The following PCDHGB1 variants were observed in gnomAD, a reference collection of about 807,000 sequenced individuals.
The protein encoded by PCDHGB1 is protocadherin gamma subfamily B, 1.
In PCDHGB1, 34 loss-of-function variants were observed where a neutral mutation model predicts 56.6. That is an observed-to-expected ratio of 0.60 (90% CI 0.46 to 0.80). The LOEUF is 0.80. Ranked by LOEUF, PCDHGB1 falls within the 30% of genes least tolerant of loss-of-function variation. The pLI is 0.00. For missense variants in PCDHGB1, 1,278 were observed against 1,204.6 expected, an observed-to-expected ratio of 1.06 and a Z score of -0.90; for synonymous variants, 561 against 505.9, an observed-to-expected ratio of 1.11 and a Z score of -1.46.
chr5:141,355,126 CCA>C (rs1759722609), intron 1 of PCDHGB1: 1 of 1,516,434 alleles, frequency 6.6e-7, no homozygotes, highest in Non-Finnish European at 8.8e-7. Context: ...TATTTTGGAC[CCA>C]GAAGATCCTG....
intron 1 of PCDHGB1, chr5:141,394,056 G>C (rs776550132): frequency 6.2e-7 from 1 of 1,613,734 alleles, no homozygotes; most frequent in Non-Finnish European, 8.5e-7. Flanking sequence ...CCGAGAAAAT[G>C]TCTCTATCTA....
chr5:141,510,272 TA>T (rs546154379), intron 3 of PCDHGB1, among the ~76,000 whole-genome samples: 4,704 of 130,308 alleles, frequency 0.036, 80 homozygotes, highest in South Asian at 0.057. Flanking sequence ...GACTCCATCT[TA>T]AAAAAAAAAA....
intron 1 of PCDHGB1, chr5:141,423,709 C>G (rs2096768343): frequency 8.7e-7 from 1 of 1,147,590 alleles, no homozygotes; most frequent in African/African-American, 1.9e-5. Context: ...TGGCACAAGT[C>G]TTTTAAGGAG....
chr5:141,490,009 A>T lies in PCDHGB1; in HGVS notation c.2410-4798A>T. Reference sequence around the variant, plus strand: ...TGTGGGAATCCCAGAGAATGCACCCATTGGTACTCTGCTGCTCCGCCTCAA... The same window carrying T: ...TGTGGGAATCCCAGAGAATGCACCCTTTGGTACTCTGCTGCTCCGCCTCAA... On this transcript the variant is annotated intron_variant, in intron 1 of 3. Transcript: ENST00000523390. The surrounding 1 kb of genome is among the most constrained non-coding windows in gnomAD (Gnocchi z 5.4). 5 of 1,614,214 alleles carry T rather than the reference A, an allele frequency of 3.1e-6. No individual in the cohort carries two copies. The highest frequency in any genetic ancestry group is 4.2e-6 in the Non-Finnish European group (5 of 1,180,032).
intron 1 of PCDHGB1, among the ~76,000 whole-genome samples, chr5:141,470,896 T>C (rs1370454369): frequency 6.6e-6 from 1 of 151,980 alleles, no homozygotes; most frequent in Non-Finnish European, 1.5e-5. Context: ...TTTTGTTTTT[T>C]GTAGAGATGG....
chr5:141,410,664 A>G, intron 1 of PCDHGB1: 1 of 1,570,058 alleles, frequency 6.4e-7, no homozygotes, highest in Non-Finnish European at 8.6e-7. Context: ...ATAGTCTACT[A>G]GTTTCTCATA....
intron 1 of PCDHGB1, among the ~76,000 whole-genome samples, chr5:141,407,761 G>T (rs938743690): frequency 6.6e-6 from 1 of 152,132 alleles, no homozygotes; most frequent in Non-Finnish European, 1.5e-5. Context: ...GTATAAGTTT[G>T]AAATTGTGCA....
chr5:141,409,508 A>G, intron 1 of PCDHGB1: 2 of 1,614,022 alleles, frequency 1.2e-6, no homozygotes, highest in Non-Finnish European at 1.7e-6. Context: ...TTCTTCCAGT[A>G]GAAGCATCAC....
At chr5:141,466,095 C>T (rs1170423552) in intron 1 of PCDHGB1, among the ~76,000 whole-genome samples, 1 of 152,038 alleles carries the variant, frequency 6.6e-6, no homozygotes, top group African/African-American at 2.4e-5. Flanking sequence ...GCACTCCAGC[C>T]TGGGCAACAG....
At chr5:141,390,008 C>G in intron 1 of PCDHGB1, 1 of 1,614,038 alleles carries the variant, frequency 6.2e-7, no homozygotes, top group South Asian at 1.1e-5. Context: ...TGATTCTGGC[C>G]ATTGCCTTGC....
At chr5:141,390,922 A>G (rs935110449) in intron 1 of PCDHGB1, 8 of 152,482 alleles carry the variant, frequency 5.2e-5, no homozygotes, top group Non-Finnish European at 1.0e-4. Context: ...AAGGTCTACT[A>G]TGCTCATTAG....
intron 1 of PCDHGB1, chr5:141,371,210 C>T: frequency 6.2e-7 from 1 of 1,614,010 alleles, no homozygotes; most frequent in Non-Finnish European, 8.5e-7. Flanking sequence ...TGGATGAGGG[C>T]ATCAATGCCG....
intron 1 of PCDHGB1, chr5:141,356,838 G>A (rs1401052082): frequency 6.2e-7 from 1 of 1,614,174 alleles, no homozygotes; most frequent in South Asian, 1.1e-5. Context: ...GCAGCAATGT[G>A]TCACTGAGCC....
At position 141,368,797 on chromosome 5, in the gene PCDHGB1, A is replaced by G. The variant is rs560030013; in HGVS notation, c.2409+16128A>G. On this transcript the variant is annotated intron_variant, in intron 1 of 3. Coordinates refer to ENST00000523390, the MANE Select transcript of PCDHGB1 (RefSeq NM_018922.3). ...TGTGTTCTGAAGAATAATTTTTCAT[A>G]CTAATTGAAGTGTTCATACAATGAA... Among the ~76,000 whole-genome samples, 8 of 152,330 alleles carry G rather than the reference A, an allele frequency of 5.3e-5. No individual in the cohort carries two copies. The South Asian group carries it at 1.7e-3, about 32-fold the overall frequency.
chr5:141,454,796 A>ATTTTTTTTTTTTTTTTTTTTTTTTTTTT (rs61612330), intron 1 of PCDHGB1, among the ~76,000 whole-genome samples: 3 of 77,456 alleles, frequency 3.9e-5, no homozygotes, highest in Admixed American at 1.8e-4. Flanking sequence ...CATGGTTCTA[A>ATTTTTTTTTTTTTTTTTTTTTTTTTTTT]TTTTTTTTTT....
chr5:141,362,375 C>CTGTA, intron 1 of PCDHGB1: 1 of 1,614,040 alleles, frequency 6.2e-7, no homozygotes, highest in Non-Finnish European at 8.5e-7. Context: ...AGTGAGGGTA[C>CTGTA]ATTGCCCTAT....
At chr5:141,371,461 T>C (rs1314971655) in intron 1 of PCDHGB1, 4 of 1,613,960 alleles carry the variant, frequency 2.5e-6, no homozygotes, top group Middle Eastern at 1.6e-4. Flanking sequence ...TCCCAACATA[T>C]ACAAGAAGAT....
intron 1 of PCDHGB1, chr5:141,372,504 C>G: frequency 6.2e-7 from 1 of 1,614,052 alleles, no homozygotes; most frequent in South Asian, 1.1e-5. Flanking sequence ...AGTGCTCTTC[C>G]TCCTCGCGGT....
At chr5:141,381,866 G>A (rs1166624603) in intron 1 of PCDHGB1, among the ~76,000 whole-genome samples, 3 of 53,342 alleles carry the variant, frequency 5.6e-5, no homozygotes, top group Non-Finnish European at 6.8e-5. Flanking sequence ...TTTTGCTCTT[G>A]TTGTCCAGGC....
Sources: gnomAD v4.1 joint callset for allele counts (sites outside exome capture counted in the v4.1 genomes callset) on GRCh38, gnomAD v4.1.1 for gene constraint, Gnocchi (gnomAD v3.1) non-coding constraint, MANE v1.5 for transcripts, NCBI Gene and HGNC (gene_info 2026-07-23, HGNC 2026-07-21) for gene names.